The following EFHC2 variants were observed in gnomAD, a reference collection of about 807,000 sequenced individuals.
EFHC2 encodes the protein EF-hand domain containing 2, also known as EF-hand domain-containing family member C2.
In EFHC2, 18 loss-of-function variants were observed where a neutral mutation model predicts 52.7. The observed-to-expected ratio is 0.34, with a 90% CI of 0.24 to 0.51. The LOEUF is 0.51. EFHC2 is among the 20% of genes least tolerant of loss of function. The probability of loss-of-function intolerance (pLI) is 0.97; values close to 1 mark genes in which losing one functional copy is unlikely to be tolerated. For synonymous variants in EFHC2, 203 were observed against 204.1 expected (o/e 0.99, Z 0.04); for missense variants, 513 against 562.5 (o/e 0.91, Z 0.89).
intron 4 of EFHC2, 96 bp from the exon 5 acceptor site, chrX:44,250,541 T>C: frequency 4.0e-6 from 4 of 996,692 alleles, no homozygotes; most frequent in Non-Finnish European, 5.2e-6. Flanking sequence ...AGATATATTT[T>C]TGGTCAGGCA....
At chrX:44,159,047 T>C (rs766917253) in intron 14 of EFHC2, among the ~76,000 whole-genome samples, 30 of 112,610 alleles carry the variant, frequency 2.7e-4, no homozygotes, top group Admixed American at 4.7e-4. Context: ...GCCAGGCCAT[T>C]CTGGCCCAAC....
intron 4 of EFHC2, among the ~76,000 whole-genome samples, chrX:44,258,618 C>T (rs997254778): frequency 8.2e-5 from 9 of 110,390 alleles, no homozygotes; most frequent in South Asian, 7.7e-4. Flanking sequence ...ACTGGGAGGC[C>T]GAGGCAGGTG....
rs769190632 is a variant in EFHC2, at chrX:44,274,472, G to A, written c.232-1636C>T. Among the ~76,000 whole-genome samples, 10 of 112,381 alleles carry A rather than the reference G, an allele frequency of 8.9e-5. No individual in the cohort carries two copies. The East Asian group carries it at 2.8e-3, about 31-fold the overall frequency. ...CCTTGTGGATATGTTAAATGTCACTGAATTGCACACTTTAAAATGGCTAAT... is the reference window on the plus strand; with the variant it reads ...CCTTGTGGATATGTTAAATGTCACTAAATTGCACACTTTAAAATGGCTAAT... On this transcript the variant is annotated intron_variant, in intron 2 of 14. Coordinates refer to ENST00000420999, the MANE Select transcript of EFHC2 (RefSeq NM_025184.4).
At chrX:44,149,655 A>G (rs745567061) in intron 14 of EFHC2, among the ~76,000 whole-genome samples, 55 of 111,552 alleles carry the variant, frequency 4.9e-4, no homozygotes, top group African/African-American at 1.7e-3. Context: ...AGCTGGGATT[A>G]CAGGCACATG....
chrX:44,157,072 G>A (rs1444983695), intron 14 of EFHC2, among the ~76,000 whole-genome samples: 2 of 112,470 alleles, frequency 1.8e-5, no homozygotes, highest in East Asian at 5.6e-4. Flanking sequence ...GATGGATGAT[G>A]GCTTACATCC....
chrX:44,286,872 AAAC>A (rs757592352), intron 2 of EFHC2, among the ~76,000 whole-genome samples: 15 of 105,047 alleles, frequency 1.4e-4, no homozygotes, highest in Non-Finnish European at 2.7e-4. Context: ...AAAAACAACA[AAAC>A]AACAGCCGGG....
At chrX:44,253,963 TAC>T (rs1206389241) in intron 4 of EFHC2, among the ~76,000 whole-genome samples, 1 of 112,299 alleles carries the variant, frequency 8.9e-6, no homozygotes, top group Non-Finnish European at 1.9e-5. Flanking sequence ...CCACTGGTGA[TAC>T]CAAGGCAAAC....
intron 1 of EFHC2, among the ~76,000 whole-genome samples, chrX:44,340,620 C>G (rs943323820): frequency 9.0e-6 from 1 of 111,559 alleles, no homozygotes; most frequent in Non-Finnish European, 1.9e-5. Context: ...GATTGCACCA[C>G]TGCACTCCAG....
At chrX:44,215,451 A>C (rs1157890864) in intron 11 of EFHC2, among the ~76,000 whole-genome samples, 1 of 108,867 alleles carries the variant, frequency 9.2e-6, no homozygotes, top group Non-Finnish European at 1.9e-5. Context: ...AGTTTCTTAC[A>C]AAGTTTAAAC....
At chrX:44,200,638 A>G (rs1268744225) in intron 11 of EFHC2, among the ~76,000 whole-genome samples, 2 of 111,849 alleles carry the variant, frequency 1.8e-5, no homozygotes, top group Non-Finnish European at 3.8e-5. Context: ...GAGAAAAAAG[A>G]GGAGTTTGAC....
intron 11 of EFHC2, among the ~76,000 whole-genome samples, chrX:44,220,727 ATTG>A (rs779152452): frequency 8.3e-4 from 93 of 112,322 alleles, no homozygotes; most frequent in Middle Eastern, 4.6e-3. Context: ...CTATTTCCCT[ATTG>A]TTGGGCATTT....
rs371172012 is a variant in EFHC2, at chrX:44,232,563, G to C, written c.1538C>G (p.Thr513Arg). 5 of 1,189,806 alleles carry C rather than the reference G, an allele frequency of 4.2e-6. No homozygotes were observed. In the South Asian group the frequency reaches 9.5e-5, roughly 23 times the overall value. ...IKAEELYIGV[T>R]VNVNGYLFRL... The stretch of plus-strand genomic sequence containing the variant: ...AAATAGGTAACCATTCACATTCACC[G>C]TGACTCCAATGTACAGCTCCTCGGC... Residue 513 changes from threonine to arginine, a missense_variant, in exon 10 of 15, where the codon ACG (threonine) becomes AGG (arginine). By Grantham distance (71) the Thr-to-Arg change is moderately conservative. Coordinates refer to ENST00000420999, the MANE Select transcript of EFHC2 (RefSeq NM_025184.4).
intron 13 of EFHC2, among the ~76,000 whole-genome samples, chrX:44,168,089 C>A (rs2036711237): frequency 9.0e-6 from 1 of 111,420 alleles, no homozygotes; most frequent in African/African-American, 3.3e-5. Flanking sequence ...AAGCTGAACC[C>A]TAAATGTCCC....
chrX:44,301,226 G>T (rs1488248874), intron 2 of EFHC2, among the ~76,000 whole-genome samples: 2 of 108,627 alleles, frequency 1.8e-5, no homozygotes, highest in African/African-American at 6.7e-5. Context: ...ATCTGGCCTT[G>T]TGGCCCCCAC....
At chrX:44,292,971 C>G (rs1219856539) in intron 2 of EFHC2, among the ~76,000 whole-genome samples, 1 of 101,328 alleles carries the variant, frequency 9.9e-6, no homozygotes, top group African/African-American at 3.8e-5. Context: ...CTTTTCCTTT[C>G]TTTCTTTTTT....
At chrX:44,220,104 G>A (rs1333668224) in intron 11 of EFHC2, among the ~76,000 whole-genome samples, 1 of 111,939 alleles carries the variant, frequency 8.9e-6, no homozygotes, top group Non-Finnish European at 1.9e-5. Context: ...ATAGCTTCGT[G>A]TGTAGCCTGC....
chrX:44,178,493 C>T lies in EFHC2; in HGVS notation c.1823G>A (p.Arg608His), dbSNP rs746208476. Residue 608 changes from arginine (R) to histidine (H), a missense_variant, in exon 12 of 15, where the codon CGT (arginine) becomes CAT (histidine). By Grantham distance (29) the Arg-to-His change is conservative. Coordinates refer to ENST00000420999, the MANE Select transcript of EFHC2 (RefSeq NM_025184.4). ...ATCTGAACATGTGCCCTCAGGCACA[C>T]GGTAGTGACGTGCAATGGTTACAAA... ...QEFVTIARHYRVPEGTCSDMD... is the reference protein window; with the variant it reads ...QEFVTIARHYHVPEGTCSDMD... 11 of 1,204,024 alleles carry T rather than the reference C, an allele frequency of 9.1e-6. No individual in the cohort carries two copies. The highest frequency in any genetic ancestry group is 8.7e-5 in the African/African-American group (5 of 57,237).
Position 44,334,308 on chromosome X carries a change from G to A in EFHC2, c.42+9239C>T, listed in dbSNP as rs180840514. Among the ~76,000 whole-genome samples, 122 of 111,745 alleles carry A rather than the reference G, an allele frequency of 1.1e-3. 1 individual carries two copies. The highest frequency in any genetic ancestry group is 4.3e-4 in the Non-Finnish European group (23 of 53,162). On this transcript the variant is annotated intron_variant, in intron 1 of 14. Transcript: ENST00000420999. ...AGTATGGATGGCAGCTTCAATAAGCGGCCCAATCTGAAATAATGTAATTTC... is the reference window on the plus strand; with the variant it reads ...AGTATGGATGGCAGCTTCAATAAGCAGCCCAATCTGAAATAATGTAATTTC...
intron 4 of EFHC2, among the ~76,000 whole-genome samples, chrX:44,257,963 T>G (rs571693542): frequency 4.6e-5 from 5 of 109,389 alleles, no homozygotes; most frequent in Non-Finnish European, 9.6e-5. Flanking sequence ...CAGAACAGAG[T>G]CCTCAAAAAT....
Sources: gnomAD v4.1 joint callset for allele counts (sites outside exome capture counted in the v4.1 genomes callset) on GRCh38, gnomAD v4.1.1 for gene constraint, MANE v1.5 for transcripts, NCBI Gene and HGNC (gene_info 2026-07-23, HGNC 2026-07-21) for gene names.